MTUS2: variants seen among roughly 807,000 people sequenced by gnomAD.
MTUS2 encodes microtubule-associated tumor suppressor candidate 2.
A neutral mutation model predicts 114.1 loss-of-function variants in MTUS2; 40 were observed. That is an observed-to-expected ratio of 0.35 (90% CI 0.27 to 0.46). MTUS2 has a LOEUF of 0.46. MTUS2 is among the 20% of genes least tolerant of loss of function. The probability of loss-of-function intolerance (pLI) is 1.00; values close to 1 mark genes in which losing one functional copy is unlikely to be tolerated. For synonymous variants in MTUS2, 688 were observed against 672.0 expected, an observed-to-expected ratio of 1.02 and a Z score of -0.37; for missense variants, 1,679 against 1,705.4, an observed-to-expected ratio of 0.98 and a Z score of 0.27.
chr13:29,047,146 A>T (rs1887662147), intron 4 of MTUS2, among the ~76,000 whole-genome samples: 4 of 152,244 alleles, frequency 2.6e-5, no homozygotes, highest in Admixed American at 2.6e-4. Flanking sequence ...CATTCGTAAC[A>T]GACTGAACTG....
intron 12 of MTUS2, among the ~76,000 whole-genome samples, chr13:29,493,794 G>C (rs1017576611): frequency 6.6e-6 from 1 of 152,184 alleles, no homozygotes; most frequent in African/African-American, 2.4e-5. Context: ...GCCATACAGC[G>C]ATATCACAAA....
chr13:29,025,118 T>A lies in MTUS2; in HGVS notation c.420T>A (p.Ser140Arg). The change falls in exon 3 of 16, where the codon AGT becomes AGA. Residue 140 changes from serine (S) to arginine (R), a missense_variant. Ser to Arg is a moderately radical substitution (Grantham distance 110). Transcript: ENST00000612955. ...TGTCGAGTTGGAGGAATGTGATGAG[T>A]GAGGCCAGTCTAGACGTTTTGGCTA... ...PSLSSWRNVM[S>R]EASLDVLAKR... The A allele has an allele frequency of 6.2e-7, 1 of 1,613,714 alleles. No individual in the cohort carries two copies. The highest frequency in any genetic ancestry group is 8.5e-7 in the Non-Finnish European group (1 of 1,179,836).
chr13:28,896,707 T>C (rs904303297), intron 2 of MTUS2, among the ~76,000 whole-genome samples: 3 of 152,270 alleles, frequency 2.0e-5, no homozygotes, highest in Admixed American at 6.5e-5. Flanking sequence ...AACAGAGATA[T>C]AGACCAATGG....
intron 5 of MTUS2, among the ~76,000 whole-genome samples, chr13:29,161,357 G>A (rs1893088553): frequency 6.6e-6 from 1 of 151,554 alleles, no homozygotes; most frequent in Non-Finnish European, 1.5e-5. Context: ...TGATATAATT[G>A]AAGGAAAAAA....
Position 29,317,209 on chromosome 13 carries a change from A to C in MTUS2, c.2807-7404A>C, listed in dbSNP as rs532794541. ...ATTCCTAGCTACAATTTCTACCTTC[A>C]TGCATGCAGTACATGTGTGTTGAAA... On this transcript the variant is annotated intron_variant, in intron 6 of 15. Coordinates refer to ENST00000612955, the MANE Select transcript of MTUS2 (RefSeq NM_001033602.4). Among the ~76,000 whole-genome samples the C allele has an allele frequency of 3.3e-5, 5 of 152,324 alleles. No homozygotes were observed. In the South Asian group the frequency reaches 1.0e-3, roughly 32 times the overall value.
chr13:29,330,197 A>C (rs1007007994), intron 7 of MTUS2, among the ~76,000 whole-genome samples: 8 of 152,142 alleles, frequency 5.3e-5, no homozygotes, highest in African/African-American at 1.9e-4. Context: ...GCTAATGACC[A>C]GCTTTTTTTA....
chr13:28,824,221 GT>G (rs1228185881), intron 1 of MTUS2, among the ~76,000 whole-genome samples: 2 of 152,130 alleles, frequency 1.3e-5, no homozygotes, highest in Admixed American at 1.3e-4. Flanking sequence ...CTTTCATTTT[GT>G]TAGATCGTTT....
chr13:28,936,384 C>T (rs577879930), intron 2 of MTUS2, among the ~76,000 whole-genome samples: 83 of 152,286 alleles, frequency 5.5e-4, no homozygotes, highest in Non-Finnish European at 6.9e-4. Flanking sequence ...GACTTTAATC[C>T]TGACCTAGTT....
chr13:29,140,233 G>A (rs903660007), intron 5 of MTUS2, among the ~76,000 whole-genome samples: 4 of 152,166 alleles, frequency 2.6e-5, no homozygotes, highest in African/African-American at 7.2e-5. Flanking sequence ...GAAGAAAAAC[G>A]TTTAAATTTA....
At chr13:29,389,777 A>G (rs182940921) in intron 8 of MTUS2, among the ~76,000 whole-genome samples, 1 of 100,860 alleles carries the variant, frequency 9.9e-6, no homozygotes, top group East Asian at 2.6e-4. Context: ...ATATACATAC[A>G]TATGTGTGTA....
Position 29,255,831 on chromosome 13 carries a change from T to C in MTUS2, c.2645-25873T>C, listed in dbSNP as rs7992428. Among the ~76,000 whole-genome samples the C allele has an allele frequency of 9.3e-3, 1,418 of 152,250 alleles. 20 individuals are homozygous for C. Among genetic ancestry groups the C allele is most frequent in the African/African-American group, 0.032 (1,347 of 41,520 alleles). ...GGAGAGTCAGCATTCAGGAATAGCCTTCAGTTTCTGGACACGCTGCATTGA... is the reference window on the plus strand; with the variant it reads ...GGAGAGTCAGCATTCAGGAATAGCCCTCAGTTTCTGGACACGCTGCATTGA... On this transcript the variant is annotated intron_variant, in intron 5 of 15. Transcript: ENST00000612955.
At chr13:29,022,140 G>C (rs1013122965) in intron 2 of MTUS2, among the ~76,000 whole-genome samples, 1 of 152,120 alleles carries the variant, frequency 6.6e-6, no homozygotes, top group Non-Finnish European at 1.5e-5. Context: ...TGTGTCTTGG[G>C]GTATGGGCTA....
chr13:29,261,720 C>T (rs1897479518), intron 5 of MTUS2, among the ~76,000 whole-genome samples: 1 of 152,218 alleles, frequency 6.6e-6, no homozygotes, highest in Admixed American at 6.5e-5. Flanking sequence ...CTTTTAACAA[C>T]TTCCACACTA....
chr13:29,220,510 T>C lies in MTUS2; in HGVS notation c.2645-61194T>C, dbSNP rs185704612. ...TTAGAGCTCATCGTAGGTTATTAAT[T>C]GGCCTAATTTCAATATTGTTGTGCC... On this transcript the variant is annotated intron_variant, in intron 5 of 15. Coordinates refer to ENST00000612955, the MANE Select transcript of MTUS2 (RefSeq NM_001033602.4). 1.2e-3 allele frequency among the ~76,000 whole-genome samples: 189 copies of C among 152,302 alleles called. 1 individual carries two copies. The highest frequency in any genetic ancestry group is 1.8e-4 in the Non-Finnish European group (12 of 68,030).
intron 5 of MTUS2, among the ~76,000 whole-genome samples, chr13:29,188,671 T>C (rs2139185735): frequency 6.6e-6 from 1 of 152,272 alleles, no homozygotes; most frequent in South Asian, 2.1e-4. Context: ...GACCAGAGAC[T>C]CCCTGCTCTG....
chr13:29,033,826 T>C (rs180969907), intron 3 of MTUS2, 59 bp from the exon 4 acceptor site: 297 of 1,602,770 alleles, frequency 1.9e-4, no homozygotes, highest in Non-Finnish European at 2.5e-4. Context: ...CGTGGTCCTG[T>C]ATAGAACTCA....
In MTUS2 at chr13:29,132,614, GT is replaced by G. The variant is rs1891814427; in HGVS notation, c.2644+31649del. Among the ~76,000 whole-genome samples the G allele has an allele frequency of 2.0e-5, 3 of 152,166 alleles. No individual in the cohort carries two copies. The South Asian group carries it at 6.2e-4, about 31-fold the overall frequency. ...ATAATTGGAATCATACAGTATTTGT[GT>G]TTTTGTGACTGACTTATTTCACTTA... On this transcript the variant is annotated intron_variant, in intron 5 of 15. Coordinates refer to ENST00000612955, the MANE Select transcript of MTUS2 (RefSeq NM_001033602.4).
At chr13:29,440,118 A>G (rs1442409968) in intron 9 of MTUS2, 69 bp downstream of exon 9, 10 of 1,443,384 alleles carry the variant, frequency 6.9e-6, no homozygotes, top group African/African-American at 1.4e-5. Flanking sequence ...TGTGTACCAA[A>G]AGCAATTATG....
At chr13:29,172,150 A>G (rs1378226789) in intron 5 of MTUS2, among the ~76,000 whole-genome samples, 1 of 152,202 alleles carries the variant, frequency 6.6e-6, no homozygotes, top group Non-Finnish European at 1.5e-5. Flanking sequence ...GTAGGAGTCT[A>G]TGTCTGGAAT....
Sources: gnomAD v4.1 joint callset for allele counts (sites outside exome capture counted in the v4.1 genomes callset) on GRCh38, gnomAD v4.1.1 for gene constraint, MANE v1.5 for transcripts, NCBI Gene and HGNC (gene_info 2026-07-23, HGNC 2026-07-21) for gene names.